FAM184B: variants seen among roughly 807,000 people sequenced by gnomAD.
FAM184B encodes family with sequence similarity 184 member B, also known as protein FAM184B.
In FAM184B, 111 loss-of-function variants were observed where a neutral mutation model predicts 135.9. That is an observed-to-expected ratio of 0.82 (90% CI 0.70 to 0.96). The LOEUF (loss-of-function observed/expected upper bound fraction) is 0.96. Among genes scored for constraint, FAM184B ranks in the 40% least tolerant of loss-of-function variants. The pLI is 0.00. For synonymous variants in FAM184B, 552 were observed against 524.8 expected, an observed-to-expected ratio of 1.05 and a Z score of -0.71; for missense variants, 1,375 against 1,323.9, an observed-to-expected ratio of 1.04 and a Z score of -0.60.
chr4:17,695,034 C>T (rs866721704), intron 5 of FAM184B, among the ~76,000 whole-genome samples: 26 of 152,232 alleles, frequency 1.7e-4, no homozygotes, highest in Middle Eastern at 6.8e-3. Flanking sequence ...AGAGGAGCTG[C>T]CATGGCTAGA....
chr4:17,647,862 T>A, intron 11 of FAM184B, 71 bp from the exon 12 acceptor site: 3 of 1,468,900 alleles, frequency 2.0e-6, no homozygotes, highest in Non-Finnish European at 2.7e-6. Context: ...GGGACAACAG[T>A]CTCTGGGGTG....
chr4:17,629,950 A>T lies in FAM184B; in HGVS notation c.*2582T>A, dbSNP rs1355658892. On this transcript the variant is annotated 3_prime_UTR_variant, in exon 18 of 18. Transcript: ENST00000265018. ...TGCCTTACTTCAATACCCAAGGCAT[A>T]TGGCCTCAATAAAAAATTATGGAAG... 1.3e-5 allele frequency: 2 copies of T among 152,218 alleles called. No individual in the cohort carries two copies. Among genetic ancestry groups the T allele is most frequent in the Non-Finnish European group, 1.5e-5 (1 of 68,032 alleles). 9.4% of individuals were successfully genotyped at this position (152,218 alleles called of 1,614,324 possible). A position where few individuals can be genotyped will look rare whatever the true frequency, so the allele number is the denominator to read the frequency against.
intron 14 of FAM184B, 128 bp downstream of exon 14, chr4:17,639,122 C>T (rs9991019): frequency 0.024 from 22,732 of 939,280 alleles, 1,557 homozygotes; most frequent in African/African-American, 0.2. Flanking sequence ...CATGAGCCAC[C>T]GTGCCTGGCC....
intron 1 of FAM184B, among the ~76,000 whole-genome samples, chr4:17,725,823 G>A (rs1370982627): frequency 6.6e-6 from 1 of 152,076 alleles, no homozygotes; most frequent in Non-Finnish European, 1.5e-5. Flanking sequence ...AGGATGGCTT[G>A]GTCAGATCCT....
At chr4:17,653,082 A>C in intron 10 of FAM184B, 99 bp from the exon 11 acceptor site, 1 of 1,144,794 alleles carries the variant, frequency 8.7e-7, no homozygotes, top group East Asian at 2.6e-5. Context: ...TGCTCTGAAC[A>C]CTCGCACTCT....
At chr4:17,660,579 G>A (rs1715893831) in intron 8 of FAM184B, among the ~76,000 whole-genome samples, 1 of 152,000 alleles carries the variant, frequency 6.6e-6, no homozygotes, top group Admixed American at 6.6e-5. Context: ...CAAATAGGGG[G>A]ATTATAAATA....
intron 10 of FAM184B, 100 bp downstream of exon 10, chr4:17,658,250 G>A (rs1387044037): frequency 3.5e-5 from 36 of 1,033,740 alleles, no homozygotes; most frequent in African/African-American, 2.2e-4. Flanking sequence ...AAAGATGCTC[G>A]GGGGATTGGA....
chr4:17,751,181 AC>A (rs1302609639), intron 1 of FAM184B, among the ~76,000 whole-genome samples: 1 of 151,732 alleles, frequency 6.6e-6, no homozygotes, highest in Non-Finnish European at 1.5e-5. Flanking sequence ...GGTGGTGGAC[AC>A]CTGTAATCCC....
chr4:17,778,962 G>A (rs1718981992), intron 1 of FAM184B, among the ~76,000 whole-genome samples: 1 of 152,128 alleles, frequency 6.6e-6, no homozygotes, highest in African/African-American at 2.4e-5. Context: ...TTCTTTCATG[G>A]GAAGAAACAA....
chr4:17,746,766 G>A lies in FAM184B; in HGVS notation c.141+34393C>T, dbSNP rs182861448. ...AAAAAGTAGATTCCTGGCTGGGCAC[G>A]ATGGCTCACACCTGTAATCTCAGCA... On this transcript the variant is annotated intron_variant, in intron 1 of 17. Coordinates refer to ENST00000265018, the MANE Select transcript of FAM184B (RefSeq NM_015688.2). Among the ~76,000 whole-genome samples, 29 of 149,964 alleles carry A rather than the reference G, an allele frequency of 1.9e-4. No homozygotes were observed. In the East Asian group the frequency reaches 4.7e-3, roughly 24 times the overall value.
chr4:17,660,163 G>T, intron 8 of FAM184B, 76 bp from the exon 9 acceptor site: 1 of 1,502,044 alleles, frequency 6.7e-7, no homozygotes, highest in Non-Finnish European at 9.0e-7. Flanking sequence ...TAACGTGCCA[G>T]CCACTGTGCC....
intron 1 of FAM184B, among the ~76,000 whole-genome samples, chr4:17,744,297 G>A (rs1472219072): frequency 2.0e-5 from 3 of 152,030 alleles, no homozygotes; most frequent in African/African-American, 4.8e-5. Context: ...CAGGGGCTGC[G>A]AATTATGAGC....
intron 6 of FAM184B, among the ~76,000 whole-genome samples, chr4:17,693,071 AC>A (rs1449998114): frequency 1.3e-5 from 2 of 151,886 alleles, no homozygotes; most frequent in African/African-American, 2.4e-5. Flanking sequence ...CAGAACCAAC[AC>A]CAGCGGCCTC....
At chr4:17,737,736 A>G (rs573654079) in intron 1 of FAM184B, among the ~76,000 whole-genome samples, 2 of 152,280 alleles carry the variant, frequency 1.3e-5, no homozygotes, top group African/African-American at 4.8e-5. Flanking sequence ...ATTGGAGCCC[A>G]TAAGACTCCC....
chr4:17,690,849 A>C (rs1023791812), intron 6 of FAM184B, among the ~76,000 whole-genome samples: 1 of 152,124 alleles, frequency 6.6e-6, no homozygotes, highest in African/African-American at 2.4e-5. Context: ...GGACTTGACA[A>C]GGATCGGGTG....
At chr4:17,653,929 A>AGGGAGAGGGAGGGAGGGGGGAG (rs1171394184) in intron 10 of FAM184B, among the ~76,000 whole-genome samples, 5 of 72,226 alleles carry the variant, frequency 6.9e-5, no homozygotes, top group East Asian at 5.4e-4. Flanking sequence ...AGGGAGGGGG[A>AGGGAGAGGGAGGGAGGGGGGAG]GGGGGATTTG....
At chr4:17,646,597 G>A (rs938024522) in intron 12 of FAM184B, among the ~76,000 whole-genome samples, 2 of 152,042 alleles carry the variant, frequency 1.3e-5, no homozygotes, top group Admixed American at 6.6e-5. Flanking sequence ...GGGGTAGTGG[G>A]GAGGGATAGC....
rs116060511 is a variant in FAM184B, at chr4:17,723,066, T to C, written c.142-13422A>G. Among the ~76,000 whole-genome samples the C allele has an allele frequency of 7.6e-3, 1,157 of 152,296 alleles. 14 individuals are homozygous for C. The highest frequency in any genetic ancestry group is 0.027 in the African/African-American group (1,103 of 41,554). On this transcript the variant is annotated intron_variant, in intron 1 of 17. Transcript: ENST00000265018. The stretch of plus-strand genomic sequence containing the variant: ...CCTGAAAGCAGCTTTTGTGTGCAGA[T>C]CTAAATAGACATGCATATCCATTTT...
At chr4:17,693,032 G>C in intron 6 of FAM184B, among the ~76,000 whole-genome samples, 1 of 25,896 alleles carries the variant, frequency 3.9e-5, no homozygotes, top group South Asian at 1.1e-3. Flanking sequence ...GGGAACTGCA[G>C]GCTACCCACT....
Sources: gnomAD v4.1 joint callset for allele counts (sites outside exome capture counted in the v4.1 genomes callset) on GRCh38, gnomAD v4.1.1 for gene constraint, MANE v1.5 for transcripts, NCBI Gene and HGNC (gene_info 2026-07-23, HGNC 2026-07-21) for gene names.